The following PTPRU variants were observed in gnomAD, a reference collection of about 807,000 sequenced individuals.
The protein encoded by PTPRU is protein tyrosine phosphatase receptor type U.
Under a neutral mutation model 166.3 loss-of-function variants are expected in PTPRU, and 69 were observed. That is an observed-to-expected ratio of 0.41 (90% confidence interval 0.34 to 0.51). The LOEUF (loss-of-function observed/expected upper bound fraction) is 0.51, where lower values mean the gene tolerates loss of function less well. Ranked by LOEUF, PTPRU falls within the 20% of genes least tolerant of loss-of-function variation. The pLI is 0.09. For synonymous variants in PTPRU, 793 were observed against 814.0 expected (o/e 0.97, Z 0.44); for missense variants, 1,657 against 2,013.7 (o/e 0.82, Z 3.39).
chr1:29,285,346 C>T (rs1280873949), intron 14 of PTPRU, among the ~76,000 whole-genome samples: 1 of 152,212 alleles, frequency 6.6e-6, no homozygotes, highest in African/African-American at 2.4e-5. Flanking sequence ...TCCACCTTCT[C>T]TCAGGCTCAA....
rs1687959983 is a variant in PTPRU at position 29,317,690 on chromosome 1, T to A, written c.3514-58T>A. On this transcript the variant is annotated intron_variant, in intron 24 of 29. Coordinates refer to ENST00000373779, the MANE Select transcript of PTPRU (RefSeq NM_133178.4). This position sits in a 1 kb window ranked among gnomAD's most constrained non-coding sequence, Gnocchi z 5.6. ...CAGTCCAGCCTCCTTCATGGGGATG[T>A]GAGGAGGCCCAGCAAGCCCTGGACG... 2.7e-6 allele frequency: 4 copies of A among 1,499,274 alleles called. No homozygotes were observed. Among genetic ancestry groups the A allele is most frequent in the Non-Finnish European group, 3.6e-6 (4 of 1,109,902 alleles). The allele number at this position is 1,499,274 out of a possible 1,614,324, so 92.9% of individuals were successfully genotyped here.
Position 29,316,086 on chromosome 1 carries a change from A to T in PTPRU, c.3448A>T (p.Thr1150Ser). The T allele has an allele frequency of 6.2e-7, 1 of 1,614,184 alleles. No individual in the cohort carries two copies. Among genetic ancestry groups the T allele is most frequent in the Non-Finnish European group, 8.5e-7 (1 of 1,180,028 alleles). ...CATCCCTGTCAGTGAGTTCAAGGCC[A>T]CCTACAAGGAGATGATCCGCATTGA... ...TTIPVSEFKA[T>S]YKEMIRIDPQ... is the part of the protein sequence containing the mutation. Residue 1150 changes from threonine (T) to serine (S), a missense_variant, in exon 24 of 30, where the codon ACC becomes TCC. Physicochemically the swap from Thr to Ser is moderately conservative, Grantham distance 58. This residue lies in a region of PTPRU where 1,190 missense variants were observed against 1,477.4 expected (regional missense o/e 0.81). Coordinates refer to ENST00000373779, the MANE Select transcript of PTPRU (RefSeq NM_133178.4).
chr1:29,261,887 TA>T (rs1222539382), intron 7 of PTPRU, among the ~76,000 whole-genome samples: 1 of 151,974 alleles, frequency 6.6e-6, no homozygotes, highest in Admixed American at 6.6e-5. Flanking sequence ...CATGCAGTTG[TA>T]AAAAAAATAC....
intron 7 of PTPRU, among the ~76,000 whole-genome samples, chr1:29,264,955 A>C (rs1685233254): frequency 6.6e-6 from 1 of 151,962 alleles, no homozygotes; most frequent in Non-Finnish European, 1.5e-5. Context: ...ACTTTTTATT[A>C]CTTTTTATTC....
At chr1:29,274,019 A>G (rs1295106343) in intron 7 of PTPRU, among the ~76,000 whole-genome samples, 1 of 152,152 alleles carries the variant, frequency 6.6e-6, no homozygotes, top group East Asian at 1.9e-4. Flanking sequence ...TACAAGGATT[A>G]AATGAGATAA....
chr1:29,315,579 C>A lies in PTPRU; in HGVS notation c.3363+72C>A. On this transcript the variant is annotated intron_variant, in intron 23 of 29. Coordinates refer to ENST00000373779, the MANE Select transcript of PTPRU (RefSeq NM_133178.4). The surrounding 1 kb of genome is among the most constrained non-coding windows in gnomAD (Gnocchi z 4.5). ...GAGTTTCTCGTGAAGGATCCTGGAGCCGGCAGAGCATGCCCAAAGGGTGTC... is the reference window on the plus strand; with the variant it reads ...GAGTTTCTCGTGAAGGATCCTGGAGACGGCAGAGCATGCCCAAAGGGTGTC... The A allele has an allele frequency of 6.3e-7, 1 of 1,594,218 alleles. No homozygotes were observed. The highest frequency in any genetic ancestry group is 8.6e-7 in the Non-Finnish European group (1 of 1,166,308).
chr1:29,324,331 T>G (rs1250020740), intron 28 of PTPRU, among the ~76,000 whole-genome samples: 1 of 152,116 alleles, frequency 6.6e-6, no homozygotes, highest in African/African-American at 2.4e-5. Flanking sequence ...CGGAGCTGAG[T>G]CAGTCCGGGT....
Position 29,260,478 on chromosome 1 carries a change from T to C in PTPRU, c.851-132T>C. 1.4e-6 allele frequency: 1 copy of C among 707,788 alleles called. No homozygotes were observed. The highest frequency in any genetic ancestry group is 2.1e-6 in the Non-Finnish European group (1 of 469,100). 43.8% of individuals were successfully genotyped at this position (707,788 alleles called of 1,614,324 possible). ...AGTGGGGGTAGGAGAGCGGGTCTGG[T>C]TGAGGGCTTGGTAGCAGCGTGAGAG... On this transcript the variant is annotated intron_variant, in intron 6 of 29. Transcript: ENST00000373779. This position sits in a 1 kb window ranked among gnomAD's most constrained non-coding sequence, Gnocchi z 8.3.
chr1:29,282,274 G>T (rs1686113790), intron 11 of PTPRU, among the ~76,000 whole-genome samples: 1 of 152,224 alleles, frequency 6.6e-6, no homozygotes, highest in Admixed American at 6.5e-5. Flanking sequence ...TCCCAGAAGG[G>T]AGCTTTCAGT....
At chr1:29,269,246 ATTTTTTTTT>A (rs1175870568) in intron 7 of PTPRU, among the ~76,000 whole-genome samples, 3 of 20,584 alleles carry the variant, frequency 1.5e-4, no homozygotes, top group Admixed American at 1.1e-3. Flanking sequence ...ATATATATAT[ATTTTTTTTT>A]TTTTTTTTTT....
chr1:29,236,798 T>G lies in PTPRU; in HGVS notation c.73+81T>G. 8.1e-7 allele frequency: 1 copy of G among 1,231,194 alleles called. No homozygotes were observed. The allele number at this position is 1,231,194 out of a possible 1,614,324, so 76.3% of individuals were successfully genotyped here. ...GTAGCTCGGAAGAAAGTGTGAGTGTTGAGTGACCGGGCGTTACGAGCGTGC... is the reference window on the plus strand; with the variant it reads ...GTAGCTCGGAAGAAAGTGTGAGTGTGGAGTGACCGGGCGTTACGAGCGTGC... On this transcript the variant is annotated intron_variant, in intron 1 of 29. Coordinates refer to ENST00000373779, the MANE Select transcript of PTPRU (RefSeq NM_133178.4). The surrounding 1 kb of genome is among the most constrained non-coding windows in gnomAD (Gnocchi z 4.6).
In PTPRU at chr1:29,284,032, G is replaced by T. The variant is rs568949856; in HGVS notation, c.2179+56G>T. The T allele has an allele frequency of 5.2e-5, 83 of 1,603,160 alleles. 1 individual carries two copies. The Admixed American group carries it at 1.3e-3, about 25-fold the overall frequency. ...GCGGCAGGTTTCTCACCTGCCCAGC[G>T]CTGGGGAGGTGGATCCTGAGGACCT... On this transcript the variant is annotated intron_variant, in intron 13 of 29. Coordinates refer to ENST00000373779, the MANE Select transcript of PTPRU (RefSeq NM_133178.4).
At chr1:29,254,741 C>T (rs2151943267) in intron 1 of PTPRU, among the ~76,000 whole-genome samples, 1 of 152,264 alleles carries the variant, frequency 6.6e-6, no homozygotes, top group South Asian at 2.1e-4. Context: ...TCCTGCCAGG[C>T]CCAGGGCCCA....
chr1:29,312,848 C>T, intron 22 of PTPRU, 142 bp downstream of exon 22: 1 of 1,113,428 alleles, frequency 9.0e-7, no homozygotes. Context: ...GGGAACGACC[C>T]CCAAAGGCCC....
chr1:29,255,284 C>T lies in PTPRU; in HGVS notation c.83C>T (p.Thr28Ile), dbSNP rs1211803591. Reference sequence around the variant, plus strand: ...GGCCCTGCTCTCACAGCTGGCTGCACCTTCGAGGAGGCAAGTGACCCAGCA... The same window carrying T: ...GGCCCTGCTCTCACAGCTGGCTGCATCTTCGAGGAGGCAAGTGACCCAGCA... ...PETETPAAGC[T>I]FEEASDPAVP... Residue 28 changes from threonine to isoleucine, a missense_variant, in exon 2 of 30, where the codon ACC (threonine) becomes ATC (isoleucine). Physicochemically the swap from Thr to Ile is moderately conservative, Grantham distance 89. Around this residue, in one of 3 missense-constraint regions of PTPRU, gnomAD observed 453 missense variants for 496.9 expected, o/e 0.91. Transcript: ENST00000373779. 1 of 1,613,496 alleles carries T rather than the reference C, an allele frequency of 6.2e-7. No individual in the cohort carries two copies. The highest frequency in any genetic ancestry group is 8.5e-7 in the Non-Finnish European group (1 of 1,179,662).
intron 14 of PTPRU, among the ~76,000 whole-genome samples, chr1:29,287,214 G>A (rs1686395361): frequency 6.6e-6 from 1 of 152,148 alleles, no homozygotes. Flanking sequence ...CAGACTGGAT[G>A]CATCTGCTGT....
chr1:29,246,170 A>G (rs994856557), intron 1 of PTPRU, among the ~76,000 whole-genome samples: 1 of 152,260 alleles, frequency 6.6e-6, no homozygotes, highest in Non-Finnish European at 1.5e-5. Flanking sequence ...GTGCATGTGC[A>G]CTGCTTTGCT....
Position 29,320,863 on chromosome 1 carries a change from T to C in PTPRU, c.3828+38T>C, listed in dbSNP as rs763595231. On this transcript the variant is annotated intron_variant, in intron 26 of 29. Transcript: ENST00000373779. The surrounding 1 kb of genome is among the most constrained non-coding windows in gnomAD (Gnocchi z 5.2). ...CTGGCCAGGCCAATGGGCCGCCTGC[T>C]CCCAGGTCCTCTGTGTATTCAGGGC... 6.6e-7 allele frequency: 1 copy of C among 1,506,696 alleles called. No homozygotes were observed. Among genetic ancestry groups the C allele is most frequent in the Non-Finnish European group, 8.9e-7 (1 of 1,119,804 alleles). The allele number at this position is 1,506,696 out of a possible 1,614,324, so 93.3% of individuals were successfully genotyped here.
intron 18 of PTPRU, among the ~76,000 whole-genome samples, chr1:29,309,069 A>G (rs893605252): frequency 1.3e-5 from 2 of 152,176 alleles, no homozygotes; most frequent in Non-Finnish European, 2.9e-5. Context: ...GCTTTTCGTC[A>G]TTAGTCACTT....
Sources: gnomAD v4.1 joint callset for allele counts (sites outside exome capture counted in the v4.1 genomes callset) on GRCh38, gnomAD v4.1.1 for gene constraint, gnomAD v4.1.1 regional missense constraint, Gnocchi (gnomAD v3.1) non-coding constraint, MANE v1.5 for transcripts, NCBI Gene and HGNC (gene_info 2026-07-23, HGNC 2026-07-21) for gene names.